Variants in CRYBB3 observed in about 807,000 individuals in gnomAD.
CRYBB3 encodes crystallin beta B3.
In CRYBB3, 35 loss-of-function variants were observed where a neutral mutation model predicts 28.3. The observed-to-expected ratio is 1.24, with a 90% CI of 0.95 to 1.64. The LOEUF (loss-of-function observed/expected upper bound fraction) is 1.64. CRYBB3 is among the 40% of genes most tolerant of loss of function. CRYBB3 has a pLI of 0.00. For synonymous variants in CRYBB3, 106 were observed against 110.4 expected, an observed-to-expected ratio of 0.96 and a Z score of 0.25; for missense variants, 296 against 297.4, an observed-to-expected ratio of 1.00 and a Z score of 0.04.
chr22:25,203,824 T>C lies in CRYBB3; in HGVS notation c.256T>C (p.Tyr86His). 1 of 1,614,220 alleles carries C rather than the reference T, an allele frequency of 6.2e-7. No homozygotes were observed. The highest frequency in any genetic ancestry group is 8.5e-7 in the Non-Finnish European group (1 of 1,180,024). ...GEQFVLEKGD[Y>H]PRWDAWSNSR... ...GCAGTTTGTTCTGGAGAAGGGGGAT[T>C]ATCCTCGCTGGGATGCCTGGTCCAA... Residue 86 changes from tyrosine to histidine, a missense_variant, in exon 4 of 6, where the codon TAT becomes CAT. By Grantham distance (83) the Tyr-to-His change is moderately conservative. Coordinates refer to ENST00000215855, the MANE Select transcript of CRYBB3 (RefSeq NM_004076.5).
In CRYBB3 at chr22:25,203,818, G is replaced by A. The variant is rs771347586; in HGVS notation, c.250G>A (p.Gly84Arg). The change falls in exon 4 of 6, where the codon GGG (glycine) becomes AGG (arginine). Residue 84 changes from glycine (G) to arginine (R), a missense_variant. By Grantham distance (125) the Gly-to-Arg change is moderately radical (BLOSUM62 -2). Transcript: ENST00000215855. Reference sequence around the variant, plus strand: ...CGGGGAGCAGTTTGTTCTGGAGAAGGGGGATTATCCTCGCTGGGATGCCTG... The same window carrying A: ...CGGGGAGCAGTTTGTTCTGGAGAAGAGGGATTATCCTCGCTGGGATGCCTG... ...FRGEQFVLEK[G>R]DYPRWDAWSN... is the part of the protein sequence containing the mutation. The A allele has an allele frequency of 1.9e-6, 3 of 1,614,198 alleles. No homozygotes were observed. The highest frequency in any genetic ancestry group is 1.6e-4 in the Middle Eastern group (1 of 6,062).
chr22:25,201,840 C>T (rs1934953969), intron 2 of CRYBB3, among the ~76,000 whole-genome samples: 2 of 152,178 alleles, frequency 1.3e-5, no homozygotes, highest in South Asian at 4.1e-4. Context: ...TGGGCCTCAA[C>T]AGCCCCATGT....
At position 25,207,288 on chromosome 22, in the gene CRYBB3, G is replaced by A; in HGVS notation, c.*76G>A. On this transcript the variant is annotated 3_prime_UTR_variant, in exon 6 of 6. Transcript: ENST00000215855. ...CAAGAAGAGGAGGCTCCAGGGTTGG[G>A]GCGAGGGCCGACCTGTCCACCCTTC... The A allele has an allele frequency of 7.4e-7, 1 of 1,356,976 alleles. No homozygotes were observed. The highest frequency in any genetic ancestry group is 1.0e-6 in the Non-Finnish European group (1 of 987,358). The allele number at this position is 1,356,976 out of a possible 1,614,324, so 84.1% of individuals were successfully genotyped here.
chr22:25,203,881 C>T lies in CRYBB3; in HGVS notation c.313C>T (p.Arg105Trp), dbSNP rs376115617. 108 of 1,614,158 alleles carry T rather than the reference C, an allele frequency of 6.7e-5. No homozygotes were observed. The highest frequency in any genetic ancestry group is 2.3e-4 in the African/African-American group (17 of 75,018). ...SRDSDSLLSL[R>W]PLNIDSPHHK... is the part of the protein sequence containing the mutation. ...TGATAGTGACAGCCTTCTGTCCCTCCGGCCTCTGAATATTGTGAGTGTGGT... is the reference window on the plus strand; with the variant it reads ...TGATAGTGACAGCCTTCTGTCCCTCTGGCCTCTGAATATTGTGAGTGTGGT... The change falls in exon 4 of 6, where the codon CGG becomes TGG. Residue 105 changes from arginine to tryptophan, a missense_variant. Arg to Trp is a moderately radical substitution (Grantham distance 101). Transcript: ENST00000215855.
chr22:25,206,972 G>A, intron 5 of CRYBB3, 75 bp from the exon 6 acceptor site: 2 of 1,093,208 alleles, frequency 1.8e-6, no homozygotes, highest in Admixed American at 1.7e-5. Flanking sequence ...CAGGCAGAGT[G>A]CATGGTCAGA....
intron 5 of CRYBB3, among the ~76,000 whole-genome samples, chr22:25,206,530 C>T (rs1027570763): frequency 5.9e-5 from 9 of 152,134 alleles, no homozygotes; most frequent in Middle Eastern, 3.4e-3. Flanking sequence ...GCAACAAGAG[C>T]GAAACTCCAT....
In CRYBB3 at chr22:25,201,405, A is replaced by C. The variant is rs755555776; in HGVS notation, c.9A>C (p.Glu3Asp). The C allele has an allele frequency of 6.2e-7, 1 of 1,613,160 alleles. No individual in the cohort carries two copies. Among genetic ancestry groups the C allele is most frequent in the African/African-American group, 1.3e-5 (1 of 74,892 alleles). The change falls in exon 2 of 6, where the codon GAA (glutamate) becomes GAC (aspartate). Residue 3 changes from glutamate (E) to aspartate (D), a missense_variant. Transcript: ENST00000215855. ...GAGGTGTTCCTGGGGAGATGGCGGA[A>C]CAGCACGGAGCACCCGAACAGGCTG... MA[E>D]QHGAPEQAAA...
chr22:25,201,337 C>T, intron 1 of CRYBB3, 40 bp from the exon 2 acceptor site: 6 of 1,606,956 alleles, frequency 3.7e-6, no homozygotes, highest in Non-Finnish European at 5.1e-6. Context: ...CCTGGCTTCT[C>T]CCGGGTGGAT....
chr22:25,201,176 G>A (rs1483581115), intron 1 of CRYBB3, among the ~76,000 whole-genome samples: 1 of 152,136 alleles, frequency 6.6e-6, no homozygotes, highest in East Asian at 1.9e-4. Context: ...CTGTACAATG[G>A]GGCTCCTGAT....
chr22:25,200,601 A>G (rs892942407), intron 1 of CRYBB3, among the ~76,000 whole-genome samples: 1 of 152,182 alleles, frequency 6.6e-6, no homozygotes, highest in African/African-American at 2.4e-5. Context: ...TGCAACAATG[A>G]TGAGAATCCT....
chr22:25,202,756 T>C lies in CRYBB3; in HGVS notation c.158T>C (p.Leu53Pro). Residue 53 changes from leucine (L) to proline (P), a missense_variant, in exon 3 of 6, where the codon CTG becomes CCG. Physicochemically the swap from Leu to Pro is moderately conservative, Grantham distance 98. Coordinates refer to ENST00000215855, the MANE Select transcript of CRYBB3 (RefSeq NM_004076.5). ...AECPSLTDSL[L>P]EKVGSIQVES... ...TGCCCCAGCCTGACCGACAGCCTGC[T>C]GGAGAAGGTGGGCTCCATCCAAGTG... 2 of 1,614,124 alleles carry C rather than the reference T, an allele frequency of 1.2e-6. No individual in the cohort carries two copies. Among genetic ancestry groups the C allele is most frequent in the Middle Eastern group, 1.7e-4 (1 of 6,054 alleles).
In CRYBB3 at chr22:25,205,316, C is replaced by G. The variant is rs367987690; in HGVS notation, c.424C>G (p.His142Asp). ...VDDDVPSLWAHGFQDRVASVR... is the reference protein window; with the variant it reads ...VDDDVPSLWADGFQDRVASVR... ...TGATGACGTGCCCAGCCTGTGGGCT[C>G]ATGGCTTCCAGGACCGTGTGGCGAG... Residue 142 changes from histidine to aspartate, a missense_variant, in exon 5 of 6, where the codon CAT becomes GAT. Transcript: ENST00000215855. The G allele has an allele frequency of 1.2e-6, 2 of 1,614,010 alleles. No individual in the cohort carries two copies. The highest frequency in any genetic ancestry group is 1.7e-5 in the Admixed American group (1 of 60,000).
Position 25,207,059 on chromosome 22 carries a change from T to C in CRYBB3, c.483T>C (p.Tyr161=), listed in dbSNP as rs751211538. 36 of 1,613,238 alleles carry C rather than the reference T, an allele frequency of 2.2e-5. No homozygotes were observed. The Admixed American group carries it at 2.3e-4, about 10-fold the overall frequency. ...VRAINGTWVG[Y]EFPGYRGRQY... ...GGTCTCCCGGCAGGTGGGTTGGCTA[T>C]GAGTTCCCCGGCTACCGTGGGCGCC... Residue 161 remains tyrosine (Y), a synonymous_variant, in exon 6 of 6, where the codon TAT becomes TAC. Transcript: ENST00000215855.
intron 3 of CRYBB3, 110 bp from the exon 4 acceptor site, chr22:25,203,649 TGGAG>T: frequency 8.5e-7 from 1 of 1,174,750 alleles, no homozygotes; most frequent in Non-Finnish European, 1.3e-6. Context: ...GCAGTAGGGT[TGGAG>T]GGAGGGTACA....
intron 1 of CRYBB3, 84 bp from the exon 2 acceptor site, chr22:25,201,293 C>T (rs1934943198): frequency 3.1e-6 from 5 of 1,591,320 alleles, no homozygotes; most frequent in Non-Finnish European, 4.3e-6. Flanking sequence ...CAGCAAGGCT[C>T]TGTAGCTCAT....
At position 25,203,416 on chromosome 22, in the gene CRYBB3, T is replaced by C. The variant is rs2301525; in HGVS notation, c.195-347T>C. Among the ~76,000 whole-genome samples the C allele has an allele frequency of 1.9e-4, 29 of 152,272 alleles. No individual in the cohort carries two copies. The East Asian group carries it at 4.8e-3, about 25-fold the overall frequency. On this transcript the variant is annotated intron_variant, in intron 3 of 5. Coordinates refer to ENST00000215855, the MANE Select transcript of CRYBB3 (RefSeq NM_004076.5). ...ATGGAATGATGCAAATAAATACATA[T>C]TAATAACAATACAATACAAAGAAGA...
intron 4 of CRYBB3, among the ~76,000 whole-genome samples, chr22:25,204,714 G>A (rs186984054): frequency 4.6e-5 from 7 of 152,158 alleles, no homozygotes; most frequent in Non-Finnish European, 8.8e-5. Flanking sequence ...CACCACGCCC[G>A]GCCCACAGTG....
chr22:25,205,105 T>G, intron 4 of CRYBB3, 115 bp from the exon 5 acceptor site: 7 of 1,379,558 alleles, frequency 5.1e-6, no homozygotes, highest in African/African-American at 1.4e-5. Flanking sequence ...CTGCAGCAGG[T>G]TTGGGGGTGG....
chr22:25,204,486 C>T (rs189905043), intron 4 of CRYBB3, among the ~76,000 whole-genome samples: 1 of 152,164 alleles, frequency 6.6e-6, no homozygotes, highest in Admixed American at 6.5e-5. Context: ...GGCATGATCT[C>T]TGCTCACTGC....
Sources: gnomAD v4.1 joint callset for allele counts (sites outside exome capture counted in the v4.1 genomes callset) on GRCh38, gnomAD v4.1.1 for gene constraint, MANE v1.5 for transcripts, NCBI Gene and HGNC (gene_info 2026-07-23, HGNC 2026-07-21) for gene names.